PIGK: variants seen among roughly 807,000 people sequenced by gnomAD.
PIGK encodes the protein GPI-anchor transamidase.
Under a neutral mutation model 50.6 loss-of-function variants are expected in PIGK, and 42 were observed. The observed-to-expected ratio is 0.83, with a 90% CI of 0.65 to 1.07. The LOEUF (loss-of-function observed/expected upper bound fraction) is 1.07. Among genes scored for constraint, PIGK ranks in the 50% least tolerant of loss-of-function variants. The probability of loss-of-function intolerance (pLI) is 0.00; values close to 1 mark genes in which losing one functional copy is unlikely to be tolerated. For missense variants in PIGK, 448 were observed against 488.7 expected (o/e 0.92, Z 0.78); for synonymous variants, 151 against 156.0 (o/e 0.97, Z 0.24).
intron 8 of PIGK, among the ~76,000 whole-genome samples, chr1:77,154,836 G>A (rs1341905465): frequency 1.3e-5 from 2 of 152,124 alleles, no homozygotes; most frequent in Non-Finnish European, 2.9e-5. Flanking sequence ...GTAATAAAAA[G>A]GTAGCTGGCC....
chr1:77,109,630 T>A (rs539506706), intron 10 of PIGK, among the ~76,000 whole-genome samples: 121 of 152,306 alleles, frequency 7.9e-4, no homozygotes, highest in Non-Finnish European at 1.4e-3. Context: ...AAGAGCTATT[T>A]ATGACAAACC....
intron 1 of PIGK, 106 bp downstream of exon 1, chr1:77,219,204 G>A: frequency 1.2e-6 from 1 of 866,352 alleles, no homozygotes; most frequent in Non-Finnish European, 1.9e-6. Flanking sequence ...CCTGGGTCAG[G>A]GGCTGATTGA....
At chr1:77,178,442 T>A (rs1468851407) in intron 3 of PIGK, among the ~76,000 whole-genome samples, 1 of 152,158 alleles carries the variant, frequency 6.6e-6, no homozygotes. Context: ...GACTTTAAAT[T>A]CTCTTATGAA....
At chr1:77,109,678 G>A (rs1390164289) in intron 10 of PIGK, among the ~76,000 whole-genome samples, 3 of 152,156 alleles carry the variant, frequency 2.0e-5, no homozygotes, top group African/African-American at 7.2e-5. Flanking sequence ...AAAACTGGAA[G>A]CATTCCCTTT....
At chr1:77,093,704 T>C (rs1345570443) in intron 10 of PIGK, among the ~76,000 whole-genome samples, 1 of 152,058 alleles carries the variant, frequency 6.6e-6, no homozygotes, top group Non-Finnish European at 1.5e-5. Flanking sequence ...TACCAGTCCA[T>C]CCAGAAAACT....
At chr1:77,105,739 T>A (rs1055051736) in intron 10 of PIGK, among the ~76,000 whole-genome samples, 2 of 152,222 alleles carry the variant, frequency 1.3e-5, no homozygotes, top group Non-Finnish European at 2.9e-5. Flanking sequence ...ATAGCCATGC[T>A]CTTTCATTTA....
At chr1:77,168,483 C>A (rs980576565) in intron 4 of PIGK, among the ~76,000 whole-genome samples, 2 of 151,844 alleles carry the variant, frequency 1.3e-5, no homozygotes, top group Admixed American at 6.6e-5. Flanking sequence ...ACTAAATAAA[C>A]AAGTAAAAGG....
chr1:77,161,558 A>G (rs1393795536), intron 7 of PIGK, 36 bp downstream of exon 7: 3 of 1,044,998 alleles, frequency 2.9e-6, no homozygotes, highest in Non-Finnish European at 4.5e-6. Flanking sequence ...TGCACATTCC[A>G]AAGACACAGT....
At chr1:77,133,444 T>G (rs760829241) in intron 9 of PIGK, among the ~76,000 whole-genome samples, 2 of 152,224 alleles carry the variant, frequency 1.3e-5, no homozygotes, top group Non-Finnish European at 2.9e-5. Context: ...TTAAAGTTTT[T>G]GTCTACTACC....
intron 3 of PIGK, 110 bp downstream of exon 3, chr1:77,206,530 A>ATT (rs5775376): frequency 2.1e-3 from 1,252 of 588,106 alleles, no homozygotes; most frequent in East Asian, 4.1e-3. Context: ...TTCAAATCAG[A>ATT]TTTTTTTTTT....
chr1:77,110,423 T>C (rs1387252249), intron 10 of PIGK, among the ~76,000 whole-genome samples: 1 of 151,946 alleles, frequency 6.6e-6, no homozygotes, highest in African/African-American at 2.4e-5. Context: ...TATAGACCAA[T>C]GGAACAGAAC....
At chr1:77,177,893 C>G (rs986880078) in intron 3 of PIGK, among the ~76,000 whole-genome samples, 33 of 152,104 alleles carry the variant, frequency 2.2e-4, no homozygotes, top group African/African-American at 8.0e-4. Context: ...AACTGTACAC[C>G]CATTTGGACC....
intron 3 of PIGK, among the ~76,000 whole-genome samples, chr1:77,186,263 A>C (rs1655735529): frequency 6.6e-6 from 1 of 152,180 alleles, no homozygotes; most frequent in African/African-American, 2.4e-5. Flanking sequence ...TCTGCACAAT[A>C]TGTGGGCACC....
intron 3 of PIGK, chr1:77,194,846 G>A (rs1048287931): frequency 2.0e-5 from 8 of 392,494 alleles, no homozygotes; most frequent in African/African-American, 1.5e-4. Flanking sequence ...AAGATTCTGG[G>A]CACTGAGAAA....
intron 1 of PIGK, among the ~76,000 whole-genome samples, chr1:77,213,601 C>A (rs942988697): frequency 5.3e-5 from 8 of 152,022 alleles, no homozygotes; most frequent in Admixed American, 1.3e-4. Context: ...TAATCGCCTA[C>A]ATCAAAAAGT....
At chr1:77,111,062 A>T (rs1653829087) in intron 10 of PIGK, among the ~76,000 whole-genome samples, 1 of 152,208 alleles carries the variant, frequency 6.6e-6, no homozygotes, top group Non-Finnish European at 1.5e-5. Flanking sequence ...ATGAGATACC[A>T]TCTCACACCA....
At chr1:77,151,157 A>C (rs1654886393) in intron 9 of PIGK, among the ~76,000 whole-genome samples, 1 of 152,216 alleles carries the variant, frequency 6.6e-6, no homozygotes, top group Non-Finnish European at 1.5e-5. Flanking sequence ...CATCATGATC[A>C]AGTGGGATTC....
At chr1:77,195,446 T>A (rs1656011952) in intron 3 of PIGK, 1 of 951,286 alleles carries the variant, frequency 1.1e-6, no homozygotes, top group African/African-American at 1.6e-5. Context: ...AATCTTTTGG[T>A]CAATAAAATA....
chr1:77,092,088 G>C lies in PIGK; in HGVS notation c.*286C>G, dbSNP rs1032756192. 2 of 175,270 alleles carry C rather than the reference G, an allele frequency of 1.1e-5. No individual in the cohort carries two copies. The highest frequency in any genetic ancestry group is 4.7e-5 in the African/African-American group (2 of 42,206). The allele number at this position is 175,270 out of a possible 1,614,324, so 10.9% of individuals were successfully genotyped here. ...TTGTTTCTTTTCCAAATGAAAAGGGGATAAGGGGAAATTACTATTTTCAAA... is the reference window on the plus strand; with the variant it reads ...TTGTTTCTTTTCCAAATGAAAAGGGCATAAGGGGAAATTACTATTTTCAAA... On this transcript the variant is annotated 3_prime_UTR_variant, in exon 11 of 11. Coordinates refer to ENST00000370812, the MANE Select transcript of PIGK (RefSeq NM_005482.3).
Sources: allele counts gnomAD v4.1 joint callset (sites outside exome capture counted in the v4.1 genomes callset), GRCh38; gene constraint gnomAD v4.1.1; transcripts MANE v1.5; gene names NCBI Gene and HGNC (gene_info 2026-07-23, HGNC 2026-07-21).